Variants in HIP1 observed in about 807,000 individuals in gnomAD.
HIP1 encodes huntingtin-interacting protein 1.
In HIP1, 65 loss-of-function variants were observed where a neutral mutation model predicts 147.6. The observed-to-expected ratio is 0.44, with a 90% confidence interval of 0.36 to 0.54. The LOEUF (loss-of-function observed/expected upper bound fraction) is 0.54. Ranked by LOEUF, HIP1 falls within the 20% of genes least tolerant of loss-of-function variation. HIP1 has a pLI of 0.00. For missense variants in HIP1, 1,061 were observed against 1,299.6 expected, an observed-to-expected ratio of 0.82 and a Z score of 2.82; for synonymous variants, 479 against 504.0, an observed-to-expected ratio of 0.95 and a Z score of 0.67.
rs1332959578 is a variant in HIP1 at position 75,554,486 on chromosome 7, G to A, written c.2004C>T (p.Ile668=). ...LSTVTSISSC[I]EQLEKSWSQY... is the part of the protein sequence containing the mutation. ...GGCTCCAGCTTTTCTCCAGTTGCTC[G>A]ATGCAGCTGGAAATGGATGTGACCG... is the stretch of plus-strand genomic sequence containing the variant. Residue 668 remains isoleucine, a synonymous_variant, in exon 20 of 31, where the codon ATC becomes ATT. Coordinates refer to ENST00000336926, the MANE Select transcript of HIP1 (RefSeq NM_005338.7). The A allele has an allele frequency of 6.8e-6, 11 of 1,613,836 alleles. No individual in the cohort carries two copies. Among genetic ancestry groups the A allele is most frequent in the South Asian group, 1.1e-5 (1 of 91,064 alleles).
At chr7:75,639,815 C>A (rs1229372868) in intron 1 of HIP1, among the ~76,000 whole-genome samples, 1 of 152,076 alleles carries the variant, frequency 6.6e-6, no homozygotes, top group East Asian at 1.9e-4. Context: ...TTGCCTCCTG[C>A]GGCTAATCTG....
chr7:75,659,233 C>T (rs1435829596), intron 1 of HIP1, among the ~76,000 whole-genome samples: 15 of 152,212 alleles, frequency 9.9e-5, no homozygotes, highest in Non-Finnish European at 4.4e-5. Flanking sequence ...CTAGCATCCC[C>T]CACGCTGGTG....
At chr7:75,596,606 G>A (rs1425652277) in intron 2 of HIP1, among the ~76,000 whole-genome samples, 1 of 152,064 alleles carries the variant, frequency 6.6e-6, no homozygotes, top group East Asian at 1.9e-4. Flanking sequence ...GGCTGGTCTC[G>A]AACTCCTGAC....
intron 1 of HIP1, among the ~76,000 whole-genome samples, chr7:75,609,905 T>TTC (rs1554504532): frequency 2.1e-5 from 3 of 143,260 alleles, no homozygotes; most frequent in African/African-American, 5.1e-5. Context: ...CTTCTTTTCT[T>TTC]TTTTTTTTTT....
At position 75,547,561 on chromosome 7, in the gene HIP1, C is replaced by G. The variant is rs587686212; in HGVS notation, c.2465+194G>C. ...GGGATTACAGGCGGGAGCTACCGCG[C>G]GGGTTTCTTTTCTATAGTGAAACAG... On this transcript the variant is annotated intron_variant, in intron 24 of 30. Coordinates refer to ENST00000336926, the MANE Select transcript of HIP1 (RefSeq NM_005338.7). Among the ~76,000 whole-genome samples the G allele has an allele frequency of 6.6e-5, 10 of 152,232 alleles. No individual in the cohort carries two copies. In the South Asian group the frequency reaches 2.1e-3, roughly 32 times the overall value.
At chr7:75,611,634 A>C in intron 1 of HIP1, 2 of 1,013,318 alleles carry the variant, frequency 2.0e-6, no homozygotes, top group Non-Finnish European at 2.4e-6. Context: ...TCCCAGCACC[A>C]AGGGCGGGCA....
chr7:75,691,668 A>G (rs1800458325), intron 1 of HIP1, among the ~76,000 whole-genome samples: 1 of 151,796 alleles, frequency 6.6e-6, no homozygotes, highest in Non-Finnish European at 1.5e-5. Context: ...GGCACCTGTA[A>G]TCCCAGCTAC....
intron 1 of HIP1, among the ~76,000 whole-genome samples, chr7:75,675,776 C>G (rs782220221): frequency 5.9e-5 from 9 of 152,024 alleles, no homozygotes; most frequent in African/African-American, 9.7e-5. Context: ...GCCAGGAGTT[C>G]AAGACCAGCC....
At chr7:75,680,494 C>T (rs1188904377) in intron 1 of HIP1, among the ~76,000 whole-genome samples, 1 of 152,216 alleles carries the variant, frequency 6.6e-6, no homozygotes, top group Non-Finnish European at 1.5e-5. Context: ...TCAAATCTTT[C>T]TGGGGTTGCC....
chr7:75,678,592 C>T (rs181428918), intron 1 of HIP1, among the ~76,000 whole-genome samples: 1 of 152,294 alleles, frequency 6.6e-6, no homozygotes, highest in African/African-American at 2.4e-5. Context: ...GATCCACCTG[C>T]CTCGGCCTCC....
At chr7:75,673,322 CTTG>C (rs1366183628) in intron 1 of HIP1, among the ~76,000 whole-genome samples, 14 of 152,108 alleles carry the variant, frequency 9.2e-5, no homozygotes, top group Non-Finnish European at 1.5e-4. Flanking sequence ...TGAGCCCGGC[CTTG>C]TTCTTCTTTT....
Position 75,664,214 on chromosome 7 carries a change from A to G in HIP1, c.121-64967T>C, listed in dbSNP as rs548109619. 2.9e-4 allele frequency among the ~76,000 whole-genome samples: 42 copies of G among 146,722 alleles called. 1 individual carries two copies. Among genetic ancestry groups the G allele is most frequent in the South Asian group, 6.3e-4 (3 of 4,762 alleles). ...TATACACACATATACATATGTATAT[A>G]TACATATATTGTGTGTGTATACATA... On this transcript the variant is annotated intron_variant, in intron 1 of 30. Transcript: ENST00000336926.
Position 75,660,298 on chromosome 7 carries a change from G to A in HIP1, c.121-61051C>T, listed in dbSNP as rs138354517. Among the ~76,000 whole-genome samples, 1,078 of 151,566 alleles carry A rather than the reference G, an allele frequency of 7.1e-3. 13 individuals are homozygous for A. Among genetic ancestry groups the A allele is most frequent in the African/African-American group, 0.024 (982 of 41,328 alleles). Reference sequence around the variant, plus strand: ...TCCCAGCACTTTGGGAGGCTGAGGTGGGTGGATCACTTGAGGTCAGGAGTT... The same window carrying A: ...TCCCAGCACTTTGGGAGGCTGAGGTAGGTGGATCACTTGAGGTCAGGAGTT... On this transcript the variant is annotated intron_variant, in intron 1 of 30. Transcript: ENST00000336926.
intron 1 of HIP1, among the ~76,000 whole-genome samples, chr7:75,667,966 C>G (rs62475509): frequency 0.26 from 40,179 of 152,114 alleles, 5,496 homozygotes; most frequent in African/African-American, 0.32. Flanking sequence ...TATTACTGAG[C>G]CATGTAATTA....
At chr7:75,735,185 A>G (rs1419703366) in intron 1 of HIP1, among the ~76,000 whole-genome samples, 1 of 152,208 alleles carries the variant, frequency 6.6e-6, no homozygotes, top group Admixed American at 6.5e-5. Context: ...ACAACTTCCC[A>G]GAGACCACAA....
At chr7:75,695,560 C>T (rs1800608719) in intron 1 of HIP1, among the ~76,000 whole-genome samples, 1 of 124,972 alleles carries the variant, frequency 8.0e-6, no homozygotes, top group Non-Finnish European at 1.6e-5. Flanking sequence ...GGTTGTGGAG[C>T]GGTACCAGTT....
At chr7:75,685,676 G>A (rs947964794) in intron 1 of HIP1, among the ~76,000 whole-genome samples, 5 of 152,140 alleles carry the variant, frequency 3.3e-5, no homozygotes, top group African/African-American at 9.7e-5. Flanking sequence ...AGCCTCCCAC[G>A]TAGCTGGGAT....
intron 7 of HIP1, among the ~76,000 whole-genome samples, chr7:75,579,080 C>T (rs587606640): frequency 2.6e-5 from 4 of 151,906 alleles, no homozygotes; most frequent in Admixed American, 6.6e-5. Flanking sequence ...CGCCTCCCAA[C>T]GTGCTGAAAT....
intron 2 of HIP1, among the ~76,000 whole-genome samples, chr7:75,598,905 G>GA (rs1796864152): frequency 6.6e-6 from 1 of 151,874 alleles, no homozygotes; most frequent in Admixed American, 6.6e-5. Flanking sequence ...TTTGGAAAAA[G>GA]AAAAAAAGGA....
Sources: gnomAD v4.1 joint callset for allele counts (sites outside exome capture counted in the v4.1 genomes callset) on GRCh38, gnomAD v4.1.1 for gene constraint, MANE v1.5 for transcripts, NCBI Gene and HGNC (gene_info 2026-07-23, HGNC 2026-07-21) for gene names.